TMC6: variants seen among roughly 807,000 people sequenced by gnomAD.
TMC6 encodes the protein transmembrane channel like 6.
A neutral mutation model predicts 95.4 loss-of-function variants in TMC6; 71 were observed. That is an observed-to-expected ratio of 0.74 (90% CI 0.61 to 0.91). TMC6 has a LOEUF of 0.91. Ranked by LOEUF, TMC6 falls within the 40% of genes least tolerant of loss-of-function variation. The pLI, the probability that TMC6 is intolerant of heterozygous loss-of-function variation, is 0.00. For synonymous variants in TMC6, 514 were observed against 483.1 expected (o/e 1.06, Z -0.84); for missense variants, 1,074 against 1,079.1 (o/e 1.00, Z 0.07).
Position 78,108,289 on chromosome 17 carries a change from C to T in TMC6, c.*4859G>A, listed in dbSNP as rs898678120. On this transcript the variant is annotated 3_prime_UTR_variant, in exon 20 of 20. Transcript: ENST00000590602. ...CATGGGGAAGGTGGTGTGCTGCTGGCTCTGACCATACTCTTTTGGAAATTG... is the reference window on the plus strand; with the variant it reads ...CATGGGGAAGGTGGTGTGCTGCTGGTTCTGACCATACTCTTTTGGAAATTG... 2 of 154,472 alleles carry T rather than the reference C, an allele frequency of 1.3e-5. No homozygotes were observed. The highest frequency in any genetic ancestry group is 4.8e-5 in the African/African-American group (2 of 41,496). 9.6% of individuals were successfully genotyped at this position (154,472 alleles called of 1,614,324 possible).
In TMC6 at chr17:78,118,961, G is replaced by A; in HGVS notation, c.1887+10C>T. 1 of 1,591,026 alleles carries A rather than the reference G, an allele frequency of 6.3e-7. No homozygotes were observed. The highest frequency in any genetic ancestry group is 8.6e-7 in the Non-Finnish European group (1 of 1,169,006). On this transcript the variant is annotated intron_variant, in intron 15 of 19. Coordinates refer to ENST00000590602, the MANE Select transcript of TMC6 (RefSeq NM_001127198.5). ...CCAGCCCAGCCCTCCCCAGGCCTTG[G>A]CAGCCTCACCTTCTTGACATAGAAG...
upstream of TMC6, chr17:78,132,007 A>G: frequency 6.5e-7 from 1 of 1,532,746 alleles, no homozygotes; most frequent in Non-Finnish European, 8.7e-7. Flanking sequence ...GGGCTCTGGG[A>G]GGGGGCGCTC....
At chr17:78,126,198 G>A (rs940162723) in intron 4 of TMC6, 79 bp downstream of exon 4, 1 of 1,516,242 alleles carries the variant, frequency 6.6e-7, no homozygotes, top group Non-Finnish European at 8.9e-7. Context: ...GAGATGCCTG[G>A]CAGGAAGCCC....
intron 13 of TMC6, 67 bp downstream of exon 13, chr17:78,120,586 C>T: frequency 6.6e-7 from 1 of 1,520,562 alleles, no homozygotes; most frequent in Non-Finnish European, 8.8e-7. Context: ...CTGAGAACCT[C>T]CCGGCCACAC....
chr17:78,121,945 C>T lies in TMC6; in HGVS notation c.1228-234G>A, dbSNP rs1228144867. 3.3e-5 allele frequency among the ~76,000 whole-genome samples: 5 copies of T among 152,098 alleles called. No individual in the cohort carries two copies. Among genetic ancestry groups the T allele is most frequent in the African/African-American group, 1.2e-4 (5 of 41,426 alleles). ...GCCCCTGTGCCTGGGCTGGCGTTCA[C>T]TCCCGAGGCCTGCCTCAACCCCTCT... On this transcript the variant is annotated intron_variant, in intron 10 of 19. Coordinates refer to ENST00000590602, the MANE Select transcript of TMC6 (RefSeq NM_001127198.5). The surrounding 1 kb of genome is among the most constrained non-coding windows in gnomAD (Gnocchi z 5.6).
chr17:78,131,503 C>T, upstream of TMC6: 1 of 1,520,262 alleles, frequency 6.6e-7, no homozygotes, highest in Non-Finnish European at 8.8e-7. Flanking sequence ...GAGGCCATAG[C>T]CAAGGCCTTA....
chr17:78,119,762 G>C, intron 13 of TMC6: 1 of 399,388 alleles, frequency 2.5e-6, no homozygotes, highest in Non-Finnish European at 4.7e-6. Context: ...AGCCTCCTGA[G>C]TAGCTGGGAC....
rs568337082 is a variant in TMC6, at chr17:78,119,641, T to A, written c.1716-249A>T. On this transcript the variant is annotated intron_variant, in intron 13 of 19. Coordinates refer to ENST00000590602, the MANE Select transcript of TMC6 (RefSeq NM_001127198.5). ...AGTATCAGCTCCAGCACCAAATGAT[T>A]TTTTCTTTTTTGAAACAGGGTCTGG... The A allele has an allele frequency of 2.0e-4, 112 of 550,098 alleles. 1 individual carries two copies. In the South Asian group the frequency reaches 2.1e-3, roughly 10 times the overall value. 34.1% of individuals were successfully genotyped at this position (550,098 alleles called of 1,614,324 possible). A position where few individuals can be genotyped will look rare whatever the true frequency, so the allele number is the denominator to read the frequency against.
chr17:78,131,799 A>T, upstream of TMC6: 1 of 1,509,134 alleles, frequency 6.6e-7, no homozygotes, highest in Non-Finnish European at 8.9e-7. Flanking sequence ...GCCCCGTCGG[A>T]TGGTGTGGGA....
At position 78,120,597 on chromosome 17, in the gene TMC6, GTCCCGGCCAC is replaced by G. The variant is rs1450059754; in HGVS notation, c.1715+46_1715+55del. 25 of 1,522,798 alleles carry G rather than the reference GTCCCGGCCAC, an allele frequency of 1.6e-5. No individual in the cohort carries two copies. In the East Asian group the frequency reaches 2.6e-4, roughly 16 times the overall value. The allele number at this position is 1,522,798 out of a possible 1,614,324, so 94.3% of individuals were successfully genotyped here. A position where few individuals can be genotyped will look rare whatever the true frequency, so the allele number is the denominator to read the frequency against. ...AGGCCTGAGAACCTCCCGGCCACAC[GTCCCGGCCAC>G]TAAGGGGAGAACACTCACCACCCAG... On this transcript the variant is annotated intron_variant, in intron 13 of 19. Coordinates refer to ENST00000590602, the MANE Select transcript of TMC6 (RefSeq NM_001127198.5).
Position 78,122,599 on chromosome 17 carries a change from A to G in TMC6, c.1227+6T>C, listed in dbSNP as rs2074471050. 1 of 1,608,792 alleles carries G rather than the reference A, an allele frequency of 6.2e-7. No individual in the cohort carries two copies. The highest frequency in any genetic ancestry group is 8.5e-7 in the Non-Finnish European group (1 of 1,179,712). ...CAGGCCAGCTTGGTGCTCCGGGGCC[A>G]CTCACCTTCAGCCGGGTGCGAATAT... On this transcript the variant is annotated splice_donor_region_variant and intron_variant, in intron 10 of 19. Transcript: ENST00000590602. The surrounding 1 kb of genome is among the most constrained non-coding windows in gnomAD (Gnocchi z 4.9).
At chr17:78,132,314 GC>G (rs1487222804), upstream of TMC6, 3 of 1,607,940 alleles carry the variant, frequency 1.9e-6, no homozygotes, top group African/African-American at 2.7e-5. Context: ...CGCGGCCCCA[GC>G]CCCGGCCCCG....
chr17:78,113,109 A>C lies in TMC6; in HGVS notation c.*39T>G. The C allele has an allele frequency of 6.5e-7, 1 of 1,549,444 alleles. No homozygotes were observed. The highest frequency in any genetic ancestry group is 2.0e-5 in the Admixed American group (1 of 50,962). ...CACTGGGAGGCAACAGTGTGGTCTC[A>C]GGGTGCTGGGCGGGCCCGTGAGGCC... On this transcript the variant is annotated 3_prime_UTR_variant, in exon 20 of 20. Coordinates refer to ENST00000590602, the MANE Select transcript of TMC6 (RefSeq NM_001127198.5).
chr17:78,126,798 G>A lies in TMC6; in HGVS notation c.35C>T (p.Pro12Leu), dbSNP rs781092489. Residue 12 changes from proline to leucine, a missense_variant, in exon 2 of 20, where the codon CCT (proline) becomes CTT (leucine). By Grantham distance (98) the Pro-to-Leu change is moderately conservative (BLOSUM62 -3). Coordinates refer to ENST00000590602, the MANE Select transcript of TMC6 (RefSeq NM_001127198.5). ...AQPLAFILDV[P>L]ETPGDQGQGP... is the part of the protein sequence containing the mutation. ...TTACCCCTGGTCCCCTGGGGTCTCA[G>A]GGACATCGAGGATGAAGGCCAGTGG... The A allele has an allele frequency of 6.8e-6, 11 of 1,613,154 alleles. No individual in the cohort carries two copies. In the African/African-American group the frequency reaches 1.3e-4, roughly 20 times the overall value.
At position 78,124,873 on chromosome 17, in the gene TMC6, G is replaced by T; in HGVS notation, c.633+16C>A. 1.3e-6 allele frequency: 2 copies of T among 1,592,536 alleles called. No individual in the cohort carries two copies. The highest frequency in any genetic ancestry group is 1.7e-6 in the Non-Finnish European group (2 of 1,170,754). On this transcript the variant is annotated intron_variant, in intron 7 of 19. Transcript: ENST00000590602. The stretch of plus-strand genomic sequence containing the variant: ...GCCCAGCCGCCCCAGCCCCAGGGCA[G>T]ACCAGGGGCCCATACCAGCACGCAG...
At chr17:78,130,567 T>G (rs528988222), upstream of TMC6, 1 of 152,076 alleles carries the variant, frequency 6.6e-6, no homozygotes, top group Admixed American at 6.5e-5. Context: ...AGGGGAAGGG[T>G]GGGCCACCCG....
upstream of TMC6, chr17:78,131,680 G>A: frequency 2.5e-6 from 4 of 1,574,714 alleles, no homozygotes; most frequent in Non-Finnish European, 3.4e-6. Context: ...CGGCTGCGCG[G>A]CTCTGGGACG....
upstream of TMC6, chr17:78,131,474 C>CATAG: frequency 6.9e-7 from 1 of 1,445,310 alleles, no homozygotes; most frequent in Admixed American, 2.0e-5. Context: ...AAGGGCCCGC[C>CATAG]CCCAGCCCAG....
chr17:78,124,691 C>T lies in TMC6; in HGVS notation c.724G>A (p.Gly242Ser), dbSNP rs1209555485. Residue 242 changes from glycine to serine, a missense_variant, in exon 8 of 20, where the codon GGC (glycine) becomes AGC (serine). Transcript: ENST00000590602. ...AGGAAGTAGGAGAGCACGCTGGAGC[C>T]GAACTGGCCCCCGATGCGCTTCAGG... ...YALKRIGGQF[G>S]SSVLSYFLFL... 3.1e-6 allele frequency: 5 copies of T among 1,603,404 alleles called. No individual in the cohort carries two copies. Among genetic ancestry groups the T allele is most frequent in the South Asian group, 2.2e-5 (2 of 89,914 alleles).
Sources: gnomAD v4.1 joint callset for allele counts (sites outside exome capture counted in the v4.1 genomes callset) on GRCh38, gnomAD v4.1.1 for gene constraint, Gnocchi (gnomAD v3.1) non-coding constraint, MANE v1.5 for transcripts, NCBI Gene and HGNC (gene_info 2026-07-23, HGNC 2026-07-21) for gene names.